Variants in SUPT3H observed in about 807,000 individuals in gnomAD.
SUPT3H encodes transcription initiation protein SPT3 homolog.
In SUPT3H, 44 loss-of-function variants were observed where a neutral mutation model predicts 44.3. The observed-to-expected ratio is 0.99, with a 90% confidence interval of 0.78 to 1.28. The LOEUF (loss-of-function observed/expected upper bound fraction) is 1.28. Among genes scored for constraint, SUPT3H ranks in the 50% most tolerant of loss-of-function variants. The pLI is 0.00. For synonymous variants in SUPT3H, 124 were observed against 125.6 expected, an observed-to-expected ratio of 0.99 and a Z score of 0.09; for missense variants, 380 against 387.1, an observed-to-expected ratio of 0.98 and a Z score of 0.15.
rs73737818 is a variant in SUPT3H at position 45,003,945 on chromosome 6, T to C, written c.365-153A>G. Among the ~76,000 whole-genome samples, 979 of 152,256 alleles carry C rather than the reference T, an allele frequency of 6.4e-3. 11 individuals carry two copies. Among genetic ancestry groups the C allele is most frequent in the African/African-American group, 0.022 (917 of 41,552 alleles). The stretch of plus-strand genomic sequence containing the variant: ...AAAATTCTTGCATTCAAAATAAAAG[T>C]ATAAGTCATACAGAATTAAATAATT... On this transcript the variant is annotated intron_variant, in intron 5 of 10. Transcript: ENST00000371459.
At chr6:45,133,035 AAAG>A (rs745733822) in intron 2 of SUPT3H, among the ~76,000 whole-genome samples, 13 of 152,314 alleles carry the variant, frequency 8.5e-5, no homozygotes, top group Non-Finnish European at 1.6e-4. Flanking sequence ...ATAAAGGGAT[AAAG>A]AAGGAGAGTA....
intron 2 of SUPT3H, among the ~76,000 whole-genome samples, chr6:45,238,621 T>C (rs1769672756): frequency 1.3e-5 from 2 of 152,226 alleles, no homozygotes; most frequent in Non-Finnish European, 2.9e-5. Flanking sequence ...AGCATTCACC[T>C]ACTGTTGTTA....
chr6:44,942,133 A>T (rs924735826), intron 9 of SUPT3H, among the ~76,000 whole-genome samples: 1 of 152,218 alleles, frequency 6.6e-6, no homozygotes, highest in Non-Finnish European at 1.5e-5. Context: ...AAATTAATTT[A>T]TGTATACATA....
intron 2 of SUPT3H, among the ~76,000 whole-genome samples, chr6:45,140,920 A>G (rs1805075734): frequency 6.6e-6 from 1 of 152,220 alleles, no homozygotes; most frequent in Non-Finnish European, 1.5e-5. Context: ...TTGAGTTCCA[A>G]GCTTTTCCAC....
chr6:45,104,912 T>C (rs931091026), intron 3 of SUPT3H, among the ~76,000 whole-genome samples: 4 of 151,916 alleles, frequency 2.6e-5, no homozygotes, highest in Non-Finnish European at 5.9e-5. Flanking sequence ...GCTAGAGAAG[T>C]TGCTACTAAT....
intron 2 of SUPT3H, among the ~76,000 whole-genome samples, chr6:45,106,830 C>A (rs1488198075): frequency 2.0e-5 from 3 of 152,170 alleles, no homozygotes; most frequent in Non-Finnish European, 2.9e-5. Context: ...GTCACCACGC[C>A]CGCCTTGTAC....
intron 3 of SUPT3H, among the ~76,000 whole-genome samples, chr6:45,065,488 C>T (rs1793105290): frequency 6.6e-6 from 1 of 150,726 alleles, no homozygotes; most frequent in Non-Finnish European, 1.5e-5. Flanking sequence ...AATAGAGACA[C>T]AAAAAACCCT....
intron 10 of SUPT3H, among the ~76,000 whole-genome samples, chr6:44,850,911 C>A (rs186875504): frequency 2.0e-4 from 31 of 152,214 alleles, no homozygotes; most frequent in South Asian, 1.7e-3. Context: ...GTTTATCTAG[C>A]GGTTTCTGAT....
At chr6:44,824,105 T>C (rs1767562965), downstream of SUPT3H, among the ~76,000 whole-genome samples, 1 of 152,354 alleles carries the variant, frequency 6.6e-6, no homozygotes, top group Non-Finnish European at 1.5e-5. Flanking sequence ...ATTAGGAACG[T>C]GGGAAGTTGA....
At chr6:45,044,806 C>T (rs1204287543) in intron 3 of SUPT3H, among the ~76,000 whole-genome samples, 1 of 152,072 alleles carries the variant, frequency 6.6e-6, no homozygotes, top group East Asian at 1.9e-4. Context: ...GATGGGATCT[C>T]TTCCAGTTTT....
intron 7 of SUPT3H, among the ~76,000 whole-genome samples, chr6:44,958,583 G>C (rs960345661): frequency 6.6e-6 from 1 of 152,114 alleles, no homozygotes; most frequent in Admixed American, 6.6e-5. Flanking sequence ...CCATATAAGG[G>C]GGGACCTGGC....
At chr6:45,134,968 C>T (rs1351005356) in intron 2 of SUPT3H, among the ~76,000 whole-genome samples, 2 of 152,172 alleles carry the variant, frequency 1.3e-5, no homozygotes, top group African/African-American at 2.4e-5. Flanking sequence ...CCACTGCAAT[C>T]GGGTTAAGGA....
At chr6:45,163,895 G>A (rs1280778782) in intron 2 of SUPT3H, among the ~76,000 whole-genome samples, 2 of 151,856 alleles carry the variant, frequency 1.3e-5, no homozygotes, top group Non-Finnish European at 2.9e-5. Context: ...AATTATTAGG[G>A]AGATTTAAAA....
intron 5 of SUPT3H, among the ~76,000 whole-genome samples, chr6:45,006,709 A>C (rs1782772175): frequency 6.6e-6 from 1 of 152,108 alleles, no homozygotes; most frequent in Non-Finnish European, 1.5e-5. Flanking sequence ...CTTCCTATCA[A>C]TAGACCTTTG....
At chr6:44,892,652 T>A (rs1763488218) in intron 10 of SUPT3H, among the ~76,000 whole-genome samples, 1 of 152,172 alleles carries the variant, frequency 6.6e-6, no homozygotes, top group South Asian at 2.1e-4. Flanking sequence ...ATATTAAAGC[T>A]TGAAGACATT....
intron 3 of SUPT3H, among the ~76,000 whole-genome samples, chr6:45,032,960 G>C (rs1409779808): frequency 6.6e-6 from 1 of 152,110 alleles, no homozygotes; most frequent in Non-Finnish European, 1.5e-5. Context: ...GCAGATGTAG[G>C]GGAACAGGCA....
intron 3 of SUPT3H, among the ~76,000 whole-genome samples, chr6:45,042,699 G>A (rs1788729789): frequency 6.6e-6 from 1 of 152,068 alleles, no homozygotes; most frequent in South Asian, 2.1e-4. Flanking sequence ...CGATTCCTCA[G>A]GGATCTAGAA....
intron 10 of SUPT3H, among the ~76,000 whole-genome samples, chr6:44,906,804 T>C (rs1436149657): frequency 6.6e-6 from 1 of 152,122 alleles, no homozygotes; most frequent in Non-Finnish European, 1.5e-5. Context: ...CCAGTCTGTA[T>C]TGTTTTATTA....
chr6:45,298,556 C>T (rs866418009), intron 2 of SUPT3H, among the ~76,000 whole-genome samples: 8 of 151,146 alleles, frequency 5.3e-5, no homozygotes, highest in African/African-American at 4.9e-5. Flanking sequence ...AGGACGGTCT[C>T]GATCTCCTGA....
Sources: gnomAD v4.1 joint callset for allele counts (sites outside exome capture counted in the v4.1 genomes callset) on GRCh38, gnomAD v4.1.1 for gene constraint, MANE v1.5 for transcripts, NCBI Gene and HGNC (gene_info 2026-07-23, HGNC 2026-07-21) for gene names.